Variants in ZFP69 observed in about 807,000 individuals in gnomAD.
ZFP69 encodes the protein ZFP69 zinc finger protein.
ZFP69 carries 35 observed loss-of-function variants against 48.9 expected under a neutral mutation model. The ratio of observed to expected loss-of-function variants is 0.72; its 90% CI spans 0.55 to 0.95. The LOEUF (loss-of-function observed/expected upper bound fraction) is 0.95. Among genes scored for constraint, ZFP69 ranks in the 40% least tolerant of loss-of-function variants. The probability of loss-of-function intolerance (pLI) is 0.00; values close to 1 mark genes in which losing one functional copy is unlikely to be tolerated. For missense variants in ZFP69, 557 were observed against 638.4 expected (o/e 0.87, Z 1.37); for synonymous variants, 193 against 216.8 (o/e 0.89, Z 0.96).
intron 1 of ZFP69, among the ~76,000 whole-genome samples, chr1:40,478,227 T>G (rs1306506676): frequency 2.0e-5 from 3 of 152,062 alleles, no homozygotes; most frequent in Admixed American, 1.3e-4. Flanking sequence ...TAGCTCCGAC[T>G]GTTCTTGGAG....
intron 5 of ZFP69, among the ~76,000 whole-genome samples, chr1:40,492,614 T>C (rs868580601): frequency 6.6e-6 from 1 of 152,224 alleles, no homozygotes; most frequent in Non-Finnish European, 1.5e-5. Flanking sequence ...ATTTGAATTA[T>C]ATAATCAGAG....
chr1:40,483,859 C>A (rs1385490409), intron 3 of ZFP69, among the ~76,000 whole-genome samples: 2 of 152,092 alleles, frequency 1.3e-5, no homozygotes, highest in East Asian at 3.9e-4. Context: ...GAAAGATCAC[C>A]TGAGGTCAGG....
chr1:40,480,360 G>C (rs769169465), intron 2 of ZFP69, among the ~76,000 whole-genome samples: 3 of 149,560 alleles, frequency 2.0e-5, no homozygotes, highest in Non-Finnish European at 4.4e-5. Flanking sequence ...CTGCCTCCCA[G>C]GTTCAAGCGA....
intron 3 of ZFP69, among the ~76,000 whole-genome samples, chr1:40,486,610 CA>C (rs1447577554): frequency 6.7e-6 from 1 of 150,238 alleles, no homozygotes; most frequent in Admixed American, 6.6e-5. Context: ...TTTGTAGAGA[CA>C]GGGTCTTCCT....
intron 5 of ZFP69, among the ~76,000 whole-genome samples, chr1:40,492,591 T>G (rs1570041684): frequency 1.3e-5 from 2 of 152,326 alleles, no homozygotes; most frequent in East Asian, 3.9e-4. Context: ...TATTCTTGGA[T>G]CCTTGTTGTT....
chr1:40,481,692 G>C (rs1645444998), intron 2 of ZFP69, 71 bp from the exon 3 acceptor site: 8 of 1,255,396 alleles, frequency 6.4e-6, no homozygotes. Context: ...ACATTGAGTG[G>C]GTCTGCAGGC....
intron 3 of ZFP69, among the ~76,000 whole-genome samples, chr1:40,488,283 G>A (rs1416212426): frequency 6.6e-6 from 1 of 152,150 alleles, no homozygotes; most frequent in Non-Finnish European, 1.5e-5. Context: ...CTGTGGCTGA[G>A]CTCTGGCTAT....
At chr1:40,490,015 A>G (rs1351651701) in intron 5 of ZFP69, among the ~76,000 whole-genome samples, 2 of 151,774 alleles carry the variant, frequency 1.3e-5, no homozygotes, top group South Asian at 2.1e-4. Flanking sequence ...GACTACAGTT[A>G]TGCGCCACCA....
chr1:40,493,435 C>CA (rs1009869692), intron 5 of ZFP69: 2 of 152,066 alleles, frequency 1.3e-5, no homozygotes, highest in Admixed American at 1.3e-4. Flanking sequence ...GATGAAATCT[C>CA]AAAGAGTTCC....
chr1:40,480,180 G>A (rs1315431789), intron 2 of ZFP69, among the ~76,000 whole-genome samples: 1 of 152,056 alleles, frequency 6.6e-6, no homozygotes, highest in African/African-American at 2.4e-5. Context: ...GATTGAGATA[G>A]GCATACACCT....
chr1:40,483,723 C>T (rs1303531688), intron 3 of ZFP69, among the ~76,000 whole-genome samples: 3 of 152,130 alleles, frequency 2.0e-5, no homozygotes, highest in Non-Finnish European at 4.4e-5. Flanking sequence ...GCAATATATT[C>T]CAATCCTAGA....
In ZFP69 at chr1:40,479,545, A is replaced by G. The variant is rs1463428608; in HGVS notation, c.127+57A>G. 2.6e-6 allele frequency: 4 copies of G among 1,535,834 alleles called. No individual in the cohort carries two copies. The Admixed American group carries it at 5.9e-5, about 23-fold the overall frequency. ...GGATCTCATTTGTGTGTGAAAAGAT[A>G]GGTACACACTTCATTGAAGTGGAGA... On this transcript the variant is annotated intron_variant, in intron 2 of 5. Transcript: ENST00000372706.
At position 40,479,307 on chromosome 1, in the gene ZFP69, A is replaced by G; in HGVS notation, c.-55A>G. 1 of 1,608,894 alleles carries G rather than the reference A, an allele frequency of 6.2e-7. No individual in the cohort carries two copies. Among genetic ancestry groups the G allele is most frequent in the East Asian group, 2.2e-5 (1 of 44,694 alleles). On this transcript the variant is annotated 5_prime_UTR_variant, in exon 2 of 6. Coordinates refer to ENST00000372706, the MANE Select transcript of ZFP69 (RefSeq NM_001320179.2). ...CCCACAACTGTGAAGCGTCTCATCA[A>G]GAGCTTCTGGCAATTTCCTCACCAG...
Position 40,481,758 on chromosome 1 carries a change from C to A in ZFP69, c.128-5C>A. 6.2e-7 allele frequency: 1 copy of A among 1,600,900 alleles called. No individual in the cohort carries two copies. Among genetic ancestry groups the A allele is most frequent in the Admixed American group, 1.7e-5 (1 of 58,560 alleles). The stretch of plus-strand genomic sequence containing the variant: ...GCAAAGCTCATGGCTCTTTTCCTTC[C>A]CCAGCTCTGCTGTCTCAGGATGCTG... On this transcript the variant is annotated splice_polypyrimidine_tract_variant and splice_region_variant and intron_variant, in intron 2 of 5. Coordinates refer to ENST00000372706, the MANE Select transcript of ZFP69 (RefSeq NM_001320179.2).
In ZFP69 at chr1:40,477,631, A is replaced by T. The variant is rs1166900972; in HGVS notation, c.-590A>T. ...GCCCACCCGCCTGGGCGGGCCCTTG[A>T]TGGGAATGTGGAGCAGACCCTCGTC... On this transcript the variant is annotated 5_prime_UTR_variant, in exon 1 of 6. An upstream start codon of the reference 5' UTR is lost. Coordinates refer to ENST00000372706, the MANE Select transcript of ZFP69 (RefSeq NM_001320179.2). The surrounding 1 kb of genome is among the most constrained non-coding windows in gnomAD (Gnocchi z 4.0). 6.6e-6 allele frequency: 1 copy of T among 152,030 alleles called. No individual in the cohort carries two copies. The highest frequency in any genetic ancestry group is 1.5e-5 in the Non-Finnish European group (1 of 67,976). 9.4% of individuals were successfully genotyped at this position (152,030 alleles called of 1,614,324 possible).
At chr1:40,483,378 T>C (rs527954131) in intron 3 of ZFP69, among the ~76,000 whole-genome samples, 40 of 151,970 alleles carry the variant, frequency 2.6e-4, no homozygotes, top group African/African-American at 8.4e-4. Context: ...TACAGGAACA[T>C]GCCACCATAC....
In ZFP69 at chr1:40,496,204, G is replaced by A; in HGVS notation, c.*145G>A. The A allele has an allele frequency of 1.3e-6, 1 of 769,562 alleles. No individual in the cohort carries two copies. The highest frequency in any genetic ancestry group is 2.0e-6 in the Non-Finnish European group (1 of 503,756). The allele number at this position is 769,562 out of a possible 1,614,324, so 47.7% of individuals were successfully genotyped here. ...ATTGTAAATAAACATTACATTGACA[G>A]GTATTGACTACTAACACCTCTAAAA... On this transcript the variant is annotated 3_prime_UTR_variant, in exon 6 of 6. Coordinates refer to ENST00000372706, the MANE Select transcript of ZFP69 (RefSeq NM_001320179.2).
rs944843914 is a variant in ZFP69 at position 40,494,942 on chromosome 1, C to A, written c.464C>A (p.Thr155Asn). ...TCAGACTTGAAGAGTAAAATAGAAA[C>A]CATTGAGTCAACTGCAAAGAGTACC... Reference protein sequence around the residue: ...PSSDLKSKIETIESTAKSTIS... With the variant: ...PSSDLKSKIENIESTAKSTIS... Residue 155 changes from threonine to asparagine, a missense_variant, in exon 6 of 6, where the codon ACC becomes AAC. Coordinates refer to ENST00000372706, the MANE Select transcript of ZFP69 (RefSeq NM_001320179.2). The A allele has an allele frequency of 3.1e-6, 5 of 1,610,636 alleles. No homozygotes were observed. In the African/African-American group the frequency reaches 6.7e-5, roughly 22 times the overall value.
intron 2 of ZFP69, among the ~76,000 whole-genome samples, chr1:40,479,950 TGG>T (rs1192035516): frequency 6.6e-6 from 1 of 152,184 alleles, no homozygotes; most frequent in Non-Finnish European, 1.5e-5. Flanking sequence ...CCTTGAACTG[TGG>T]GAGAGATGCC....
Sources: allele counts gnomAD v4.1 joint callset (sites outside exome capture counted in the v4.1 genomes callset), GRCh38; gene constraint gnomAD v4.1.1; non-coding constraint Gnocchi (gnomAD v3.1); transcripts MANE v1.5; gene names NCBI Gene and HGNC (gene_info 2026-07-23, HGNC 2026-07-21).